The following RCN2 variants were observed in gnomAD, a reference collection of about 807,000 sequenced individuals.
The protein encoded by RCN2 is reticulocalbin-2.
In RCN2, 23 loss-of-function variants were observed where a neutral mutation model predicts 37.5. That is an observed-to-expected ratio of 0.61 (90% CI 0.44 to 0.87). The LOEUF is 0.87. RCN2 is among the 40% of genes least tolerant of loss of function. RCN2 has a pLI of 0.00. For missense variants in RCN2, 381 were observed against 390.4 expected (o/e 0.98, Z 0.20); for synonymous variants, 140 against 144.6 (o/e 0.97, Z 0.23).
chr15:76,938,994 G>A (rs976742666), intron 3 of RCN2, among the ~76,000 whole-genome samples: 7 of 152,064 alleles, frequency 4.6e-5, no homozygotes, highest in East Asian at 1.9e-4. Flanking sequence ...GCAAGACCCC[G>A]TCCCTATGGA....
intron 1 of RCN2, among the ~76,000 whole-genome samples, 182 bp from the exon 2 acceptor site, chr15:76,932,179 G>A (rs2075226361): frequency 6.6e-6 from 1 of 152,166 alleles, no homozygotes; most frequent in Non-Finnish European, 1.5e-5. Flanking sequence ...CGGCCCAAGA[G>A]CTGGATCCCT....
rs1377066179 is a variant in RCN2 at position 76,943,746 on chromosome 15, T to C, written c.448-12T>C. The C allele has an allele frequency of 6.7e-7, 1 of 1,495,716 alleles. No homozygotes were observed. The highest frequency in any genetic ancestry group is 9.2e-7 in the Non-Finnish European group (1 of 1,082,066). 92.7% of individuals were successfully genotyped at this position (1,495,716 alleles called of 1,614,324 possible). On this transcript the variant is annotated splice_polypyrimidine_tract_variant and intron_variant, in intron 3 of 6. Coordinates refer to ENST00000394885, the MANE Select transcript of RCN2 (RefSeq NM_002902.3). ...GATGTGGTATACTAATGAGAAATTT[T>C]AATTTTCAAAGCTTCACTTAAAGGA...
chr15:76,935,478 G>T (rs775069892), intron 2 of RCN2, 48 bp from the exon 3 acceptor site: 1 of 1,428,132 alleles, frequency 7.0e-7, no homozygotes, highest in Non-Finnish European at 9.7e-7. Context: ...TTACTCTTAA[G>T]TATCAGAATT....
intron 2 of RCN2, among the ~76,000 whole-genome samples, chr15:76,934,418 A>T (rs1340352419): frequency 6.6e-6 from 1 of 152,244 alleles, no homozygotes; most frequent in Non-Finnish European, 1.5e-5. Context: ...CTGGGATTAC[A>T]GGCGTGAGCC....
Position 76,932,476 on chromosome 15 carries a change from G to A in RCN2, c.250+10G>A. On this transcript the variant is annotated intron_variant, in intron 2 of 6. Transcript: ENST00000394885. ...GGCTTTCTCACTGAAAGTAAGGACT[G>A]CCCTACACGACTAACAATGGAGACA... 3 of 1,540,634 alleles carry A rather than the reference G, an allele frequency of 1.9e-6. No individual in the cohort carries two copies. Among genetic ancestry groups the A allele is most frequent in the Non-Finnish European group, 2.7e-6 (3 of 1,114,982 alleles).
At chr15:76,935,454 A>G in intron 2 of RCN2, 72 bp from the exon 3 acceptor site, 1 of 1,233,236 alleles carries the variant, frequency 8.1e-7, no homozygotes, top group Non-Finnish European at 1.1e-6. Context: ...TTTTCAGAGA[A>G]GGTTTGGAAA....
At chr15:76,948,894 A>G in intron 6 of RCN2, 176 bp from the exon 7 acceptor site, 1 of 636,310 alleles carries the variant, frequency 1.6e-6, no homozygotes, top group South Asian at 2.2e-5. Context: ...TGAAGAAAGG[A>G]GATAATGGGA....
In RCN2 at chr15:76,953,591, AT is replaced by A. The variant is rs2075333568; in HGVS notation, c.*4370del. 8.1e-5 allele frequency: 1 copy of A among 12,378 alleles called. No homozygotes were observed. Among genetic ancestry groups the A allele is most frequent in the African/African-American group, 3.1e-4 (1 of 3,208 alleles). The allele number at this position is 12,378 out of a possible 1,614,324, so 0.8% of individuals were successfully genotyped here. A position where few individuals can be genotyped will look rare whatever the true frequency, so the allele number is the denominator to read the frequency against. On this transcript the variant is annotated 3_prime_UTR_variant, in exon 7 of 7. Transcript: ENST00000394885. Reference sequence around the variant, plus strand: ...TATATATATATATATATATATATATATATTTTTTTTTTTTTTTTTTTTTTTT... The same window carrying A: ...TATATATATATATATATATATATATAATTTTTTTTTTTTTTTTTTTTTTTT...
chr15:76,935,242 TG>T (rs1180964060), intron 2 of RCN2, among the ~76,000 whole-genome samples: 4 of 152,162 alleles, frequency 2.6e-5, no homozygotes, highest in African/African-American at 7.2e-5. Context: ...GAGAATCGTT[TG>T]AACCGGGAGG....
Position 76,949,552 on chromosome 15 carries a change from A to G in RCN2, c.*330A>G, listed in dbSNP as rs1364366735. On this transcript the variant is annotated 3_prime_UTR_variant, in exon 7 of 7. Coordinates refer to ENST00000394885, the MANE Select transcript of RCN2 (RefSeq NM_002902.3). ...ACATGGAGGATTTTAGAGATGCCTG[A>G]ACAATATTATTTAAGTAGTATGTGA... is the stretch of plus-strand genomic sequence containing the variant. The G allele has an allele frequency of 2.4e-5, 4 of 168,496 alleles. No homozygotes were observed. The highest frequency in any genetic ancestry group is 2.0e-4 in the South Asian group (1 of 5,004). The allele number at this position is 168,496 out of a possible 1,614,324, so 10.4% of individuals were successfully genotyped here.
intron 4 of RCN2, among the ~76,000 whole-genome samples, chr15:76,946,173 G>A (rs528691456): frequency 2.0e-4 from 31 of 152,290 alleles, no homozygotes; most frequent in Admixed American, 3.9e-4. Context: ...AGTCAGAGAT[G>A]GGCCAGGCAT....
intron 3 of RCN2, among the ~76,000 whole-genome samples, chr15:76,939,229 TAAAA>T (rs1164777238): frequency 4.9e-4 from 62 of 126,698 alleles, no homozygotes; most frequent in African/African-American, 1.8e-3. Flanking sequence ...ACCTCATTTC[TAAAA>T]ATAAATAAAT....
rs2075308172 is a variant in RCN2 at position 76,949,100 on chromosome 15, A to G, written c.832A>G (p.Asn278Asp). 2 of 1,609,170 alleles carry G rather than the reference A, an allele frequency of 1.2e-6. No individual in the cohort carries two copies. The highest frequency in any genetic ancestry group is 1.7e-6 in the Non-Finnish European group (2 of 1,178,582). ...ALHLIDEMDL[N>D]GDKKLSEEEI... is the part of the protein sequence containing the mutation. ...TCATCTAATTGATGAAATGGATTTG[A>G]ATGGTGACAAAAAGCTCTCTGAAGA... Residue 278 changes from asparagine (N) to aspartate (D), a missense_variant, in exon 7 of 7, where the codon AAT becomes GAT. Coordinates refer to ENST00000394885, the MANE Select transcript of RCN2 (RefSeq NM_002902.3).
intron 5 of RCN2, 156 bp downstream of exon 5, chr15:76,947,673 T>C (rs2075302254): frequency 1.7e-6 from 1 of 574,938 alleles, no homozygotes; most frequent in African/African-American, 2.0e-5. Flanking sequence ...GTTCAACAAA[T>C]GGATTTATAG....
chr15:76,944,389 T>C (rs2075288734), intron 4 of RCN2, among the ~76,000 whole-genome samples: 1 of 152,148 alleles, frequency 6.6e-6, no homozygotes, highest in Non-Finnish European at 1.5e-5. Flanking sequence ...CCGTGAACAC[T>C]CTTTTAGTTA....
At chr15:76,947,820 C>A in intron 5 of RCN2, 1 of 282,974 alleles carries the variant, frequency 3.5e-6, no homozygotes, top group Non-Finnish European at 6.5e-6. Context: ...TAAACAAAAT[C>A]CTGTGCTGTT....
Position 76,941,524 on chromosome 15 carries a change from T to G in RCN2, c.448-2234T>G, listed in dbSNP as rs184393568. On this transcript the variant is annotated intron_variant, in intron 3 of 6. Coordinates refer to ENST00000394885, the MANE Select transcript of RCN2 (RefSeq NM_002902.3). Reference sequence around the variant, plus strand: ...TAAATGATTATGGTAGCTTTTTTATTACTGTACCTAACACTTTTTACCCTC... The same window carrying G: ...TAAATGATTATGGTAGCTTTTTTATGACTGTACCTAACACTTTTTACCCTC... 2.9e-4 allele frequency: 136 copies of G among 474,820 alleles called. 1 individual carries two copies. The highest frequency in any genetic ancestry group is 2.2e-3 in the African/African-American group (108 of 50,160). The allele number at this position is 474,820 out of a possible 1,614,324, so 29.4% of individuals were successfully genotyped here. A position where few individuals can be genotyped will look rare whatever the true frequency, so the allele number is the denominator to read the frequency against.
intron 3 of RCN2, 65 bp downstream of exon 3, chr15:76,935,787 T>G (rs1039139345): frequency 7.4e-6 from 9 of 1,219,724 alleles, no homozygotes; most frequent in Middle Eastern, 1.9e-4. Context: ...CCTGCATGAA[T>G]GAGCACATTG....
At chr15:76,940,075 G>T (rs7183961) in intron 3 of RCN2, among the ~76,000 whole-genome samples, 145,499 of 152,228 alleles carry the variant, frequency 0.96, 69,706 homozygotes, top group East Asian at 1. Context: ...GATTGATCCC[G>T]AAAATGAACA....
Sources: gnomAD v4.1 joint callset for allele counts (sites outside exome capture counted in the v4.1 genomes callset) on GRCh38, gnomAD v4.1.1 for gene constraint, MANE v1.5 for transcripts, NCBI Gene and HGNC (gene_info 2026-07-23, HGNC 2026-07-21) for gene names.